GLRA2: variants seen among roughly 807,000 people sequenced by gnomAD.
GLRA2 encodes glycine receptor subunit alpha-2.
In GLRA2, 11 loss-of-function variants were observed where a neutral mutation model predicts 31.6. The observed-to-expected ratio is 0.35, with a 90% CI of 0.22 to 0.58. The LOEUF (loss-of-function observed/expected upper bound fraction) is 0.58, where lower values mean the gene tolerates loss of function less well. GLRA2 is among the 20% of genes least tolerant of loss of function. GLRA2 has a pLI of 0.84. For missense variants in GLRA2, 212 were observed against 351.8 expected (o/e 0.60, Z 3.18); for synonymous variants, 132 against 134.0 (o/e 0.99, Z 0.10).
chrX:14,481,769 G>A, the GLRA2 span, among the ~76,000 whole-genome samples: 1 of 109,580 alleles, frequency 9.1e-6, no homozygotes, highest in African/African-American at 3.3e-5. Flanking sequence ...TGATTACAAT[G>A]TATGGTAATA....
chrX:14,604,412 T>C lies in GLRA2; in HGVS notation c.577+15T>C, dbSNP rs759550331. On this transcript the variant is annotated intron_variant, in intron 5 of 8. Coordinates refer to ENST00000218075, the MANE Select transcript of GLRA2 (RefSeq NM_002063.4). ...GCTGGAGAGTTGTAAGTCACCACTG[T>C]TGAAATGACTCCCTGCTTGTTTTAA... The C allele has an allele frequency of 1.0e-6, 1 of 976,789 alleles. No homozygotes were observed. Among genetic ancestry groups the C allele is most frequent in the South Asian group, 1.9e-5 (1 of 51,499 alleles). The allele number at this position is 976,789 out of a possible 1,213,427, so 80.5% of individuals were successfully genotyped here.
At chrX:14,462,209 A>G in the GLRA2 span, among the ~76,000 whole-genome samples, 1 of 112,026 alleles carries the variant, frequency 8.9e-6, no homozygotes, top group Non-Finnish European at 1.9e-5. Context: ...GTTTCTGCCG[A>G]GAGATCAGCT....
intron 7 of GLRA2, among the ~76,000 whole-genome samples, chrX:14,671,665 C>G (rs183091892): frequency 1.8e-5 from 2 of 112,313 alleles, no homozygotes; most frequent in Admixed American, 1.9e-4. Context: ...CCAGAGAAAT[C>G]TCTTAGGCAG....
chrX:14,491,894 G>A, the GLRA2 span, among the ~76,000 whole-genome samples: 6,858 of 111,543 alleles, frequency 0.061, 540 homozygotes, highest in African/African-American at 0.21. Flanking sequence ...GCTGATCATT[G>A]TGACTCATGC....
chrX:14,700,515 T>C (rs1189712526), intron 8 of GLRA2, among the ~76,000 whole-genome samples: 2 of 111,138 alleles, frequency 1.8e-5, no homozygotes, highest in East Asian at 5.7e-4. Context: ...AAGAAACATA[T>C]TCAGGAAGAA....
the GLRA2 span, among the ~76,000 whole-genome samples, chrX:14,483,816 C>T: frequency 8.9e-6 from 1 of 111,733 alleles, no homozygotes; most frequent in Non-Finnish European, 1.9e-5. Context: ...ACATTTGAGT[C>T]AATGGGCTGG....
chrX:14,487,267 A>T, the GLRA2 span, among the ~76,000 whole-genome samples: 1 of 108,315 alleles, frequency 9.2e-6, no homozygotes. Context: ...GCTGCTGGCT[A>T]CCATATCAGA....
At chrX:14,462,050 T>C in the GLRA2 span, among the ~76,000 whole-genome samples, 1 of 112,070 alleles carries the variant, frequency 8.9e-6, no homozygotes, top group Non-Finnish European at 1.9e-5. Flanking sequence ...CTGGTGGTGA[T>C]AAAATCTCTT....
At chrX:14,628,970 A>C (rs1427745130) in intron 7 of GLRA2, among the ~76,000 whole-genome samples, 4 of 111,839 alleles carry the variant, frequency 3.6e-5, no homozygotes, top group Non-Finnish European at 3.8e-5. Flanking sequence ...AGCTACAGCT[A>C]TAACAAGGGA....
chrX:14,725,832 A>T (rs942291029), intron 8 of GLRA2, among the ~76,000 whole-genome samples: 2 of 112,458 alleles, frequency 1.8e-5, no homozygotes, highest in East Asian at 5.6e-4. Flanking sequence ...GCACAGTGCC[A>T]TGGCAGTGCT....
In GLRA2 at chrX:14,731,373, C is replaced by G. The variant is rs1300913053; in HGVS notation, c.*888C>G. ...GGCTATATTTACACGTGACTTTAAT[C>G]GCCCAACTGTGACTAGTCATTGCAG... On this transcript the variant is annotated 3_prime_UTR_variant, in exon 9 of 9. Transcript: ENST00000218075. 1 of 111,611 alleles carries G rather than the reference C, an allele frequency of 9.0e-6. No homozygotes were observed. The allele number at this position is 111,611 out of a possible 1,213,427, so 9.2% of individuals were successfully genotyped here. A position where few individuals can be genotyped will look rare whatever the true frequency, so the allele number is the denominator to read the frequency against.
the GLRA2 span, among the ~76,000 whole-genome samples, chrX:14,454,220 A>G: frequency 9.2e-6 from 1 of 108,683 alleles, no homozygotes; most frequent in East Asian, 2.9e-4. Context: ...ACACACACAC[A>G]CGCACACATA....
At chrX:14,685,299 A>C (rs2091263498) in intron 7 of GLRA2, among the ~76,000 whole-genome samples, 1 of 111,383 alleles carries the variant, frequency 9.0e-6, no homozygotes, top group Non-Finnish European at 1.9e-5. Context: ...TGTCTCTGCC[A>C]GGCTTTGGTA....
intron 7 of GLRA2, among the ~76,000 whole-genome samples, chrX:14,636,464 C>G (rs1485456349): frequency 9.0e-6 from 1 of 111,130 alleles, no homozygotes; most frequent in Non-Finnish European, 1.9e-5. Flanking sequence ...CCAGTCTAAT[C>G]ATGAGGAACA....
chrX:14,679,443 AG>A (rs113873744), intron 7 of GLRA2, among the ~76,000 whole-genome samples: 16 of 94,805 alleles, frequency 1.7e-4, no homozygotes, highest in Non-Finnish European at 2.5e-4. Flanking sequence ...AAAAAAGAAA[AG>A]AAAAAGACAC....
chrX:14,485,022 C>T, the GLRA2 span, among the ~76,000 whole-genome samples: 3 of 112,196 alleles, frequency 2.7e-5, no homozygotes, highest in Non-Finnish European at 5.6e-5. Context: ...AAATGTTATC[C>T]TCTTGGAAAC....
chrX:14,698,302 C>T (rs989212912), intron 8 of GLRA2, among the ~76,000 whole-genome samples: 3 of 111,481 alleles, frequency 2.7e-5, no homozygotes, highest in Non-Finnish European at 5.6e-5. Flanking sequence ...TAGTTTGGGG[C>T]CCACCTAGTC....
At chrX:14,707,784 G>C (rs6653818) in intron 8 of GLRA2, among the ~76,000 whole-genome samples, 2 of 107,971 alleles carry the variant, frequency 1.9e-5, no homozygotes, top group Non-Finnish European at 3.8e-5. Context: ...GCACGCGCGC[G>C]TGTTGCATGC....
intron 8 of GLRA2, among the ~76,000 whole-genome samples, chrX:14,719,930 A>G (rs1217467711): frequency 8.9e-6 from 1 of 111,960 alleles, no homozygotes; most frequent in Non-Finnish European, 1.9e-5. Flanking sequence ...TGTTAAGGGA[A>G]ATAAGTCAGG....
Sources: allele counts gnomAD v4.1 joint callset (sites outside exome capture counted in the v4.1 genomes callset), GRCh38; gene constraint gnomAD v4.1.1; transcripts MANE v1.5; gene names NCBI Gene and HGNC (gene_info 2026-07-23, HGNC 2026-07-21).